F12: variants seen among roughly 807,000 people sequenced by gnomAD.
F12 encodes the protein Hageman factor.
In F12, 70 loss-of-function variants were observed where a neutral mutation model predicts 74.8. The observed-to-expected ratio is 0.94, with a 90% CI of 0.77 to 1.14. The LOEUF (loss-of-function observed/expected upper bound fraction) is 1.14, where lower values mean the gene tolerates loss of function less well. Ranked by LOEUF, F12 falls within the 50% of genes most tolerant of loss-of-function variation. F12 has a pLI of 0.00. For missense variants in F12, 811 were observed against 835.7 expected, an observed-to-expected ratio of 0.97 and a Z score of 0.36; for synonymous variants, 373 against 356.4, an observed-to-expected ratio of 1.05 and a Z score of -0.52.
At chr5:177,407,074 C>T (rs527627221) in intron 2 of F12, among the ~76,000 whole-genome samples, 6 of 152,346 alleles carry the variant, frequency 3.9e-5, no homozygotes, top group Admixed American at 1.3e-4. Flanking sequence ...GTGTGTTAGA[C>T]ACTTGATTCA....
At chr5:177,405,694 A>G in intron 4 of F12, 41 bp downstream of exon 4, 1 of 1,588,154 alleles carries the variant, frequency 6.3e-7, no homozygotes, top group Non-Finnish European at 8.6e-7. Context: ...ATGAGGCGGG[A>G]GGAGAGAGCC....
rs145282532 is a variant in F12 at position 177,405,431 on chromosome 5, G to C, written c.289C>G (p.His97Asp). Residue 97 changes from histidine (H) to aspartate (D), a missense_variant and splice_region_variant, in exon 5 of 14, where the codon CAC (histidine) becomes GAC (aspartate). Physicochemically the swap from His to Asp is moderately conservative, Grantham distance 81. Transcript: ENST00000253496. Reference sequence around the variant, plus strand: ...TGGCAGGGGCTGTGTTTGCTGCAGTGGTCTGAGAGATGGACATGGTGGAAG... The same window carrying C: ...TGGCAGGGGCTGTGTTTGCTGCAGTCGTCTGAGAGATGGACATGGTGGAAG... ...YCLEPKKVKD[H>D]CSKHSPCQKG... 2 of 1,612,744 alleles carry C rather than the reference G, an allele frequency of 1.2e-6. No homozygotes were observed. The highest frequency in any genetic ancestry group is 1.7e-6 in the Non-Finnish European group (2 of 1,179,464).
chr5:177,405,981 G>A lies in F12; in HGVS notation c.196C>T (p.Arg66Trp), dbSNP rs368879882. The stretch of plus-strand genomic sequence containing the variant: ...TCTTACCAGGGCTGAGGGCCTGGCC[G>A]GCCCTTGTGGGTACATTTGTGGTAC... The part of the protein sequence containing the change: ...QLYHKCTHKG[R>W]PGPQPWCATT... Residue 66 changes from arginine (R) to tryptophan (W), a missense_variant, in exon 3 of 14, where the codon CGG (arginine) becomes TGG (tryptophan). Arg to Trp is a moderately radical substitution (Grantham distance 101). Transcript: ENST00000253496. The A allele has an allele frequency of 2.7e-5, 44 of 1,614,082 alleles. No individual in the cohort carries two copies. In the East Asian group the frequency reaches 4.9e-4, roughly 18 times the overall value.
In F12 at chr5:177,402,680, C is replaced by T. The variant is rs200921978; in HGVS notation, c.1550G>A (p.Ser517Asn). The change falls in exon 13 of 14, where the codon AGC (serine) becomes AAC (asparagine). Residue 517 changes from serine (S) to asparagine (N), a missense_variant. Ser to Asn is a conservative substitution (Grantham distance 46). Coordinates refer to ENST00000253496, the MANE Select transcript of F12 (RefSeq NM_000505.4). ...HQFEGAEEYA[S>N]FLQEAQVPFL... ...CGGTACCTGCGCCTCCTGCAGGAAG[C>T]TGGCATATTCCTCCGCCCCTGCGAA... 3.0e-5 allele frequency: 49 copies of T among 1,611,936 alleles called. No homozygotes were observed. Among genetic ancestry groups the T allele is most frequent in the Non-Finnish European group, 4.2e-5 (49 of 1,180,020 alleles).
At position 177,404,426 on chromosome 5, in the gene F12, G is replaced by A; in HGVS notation, c.801-13C>T. On this transcript the variant is annotated splice_polypyrimidine_tract_variant and intron_variant, in intron 8 of 13. Coordinates refer to ENST00000253496, the MANE Select transcript of F12 (RefSeq NM_000505.4). ...GTTGTCCGGGTTCCTGTAGCCACAC[G>A]ACGGGGCGCCGTTAGAGCGCCGGGA... 1 of 1,609,932 alleles carries A rather than the reference G, an allele frequency of 6.2e-7. No homozygotes were observed. The highest frequency in any genetic ancestry group is 8.5e-7 in the Non-Finnish European group (1 of 1,178,720).
In F12 at chr5:177,403,321, T is replaced by G; in HGVS notation, c.1464A>C (p.Pro488=). ...LSPYVQPVCL[P]SGAARPSETT... ...TCTCGGAGGGTCGCGCGGCGCCGCTTGGCAGGCACACCGGCTGAACGTAAG... is the reference window on the plus strand; with the variant it reads ...TCTCGGAGGGTCGCGCGGCGCCGCTGGGCAGGCACACCGGCTGAACGTAAG... The change falls in exon 12 of 14, where the codon CCA becomes CCC. Residue 488 remains proline, a synonymous_variant. Transcript: ENST00000253496. 6.3e-7 allele frequency: 1 copy of G among 1,599,236 alleles called. No homozygotes were observed. The highest frequency in any genetic ancestry group is 8.5e-7 in the Non-Finnish European group (1 of 1,179,704).
intron 2 of F12, among the ~76,000 whole-genome samples, chr5:177,408,276 G>A (rs769019171): frequency 4.0e-5 from 6 of 151,648 alleles, no homozygotes; most frequent in African/African-American, 4.9e-5. Context: ...GGCTGGTCTC[G>A]AACTCCTGAC....
At chr5:177,405,475 T>G (rs755567040) in intron 4 of F12, 42 bp from the exon 5 acceptor site, 4 of 1,580,478 alleles carry the variant, frequency 2.5e-6, no homozygotes, top group Non-Finnish European at 3.5e-6. Context: ...GGGAGCTGAG[T>G]CACACAGCTG....
chr5:177,404,126 C>T (rs745960822), intron 9 of F12, 36 bp from the exon 10 acceptor site: 1 of 1,589,302 alleles, frequency 6.3e-7, no homozygotes, highest in East Asian at 2.3e-5. Context: ...GGAGAGCCCG[C>T]GGCCGGCTGG....
chr5:177,402,185 C>T lies in F12; in HGVS notation c.*107G>A. ...TTATTGAGTTCCTGCGCCATCCTGG[C>T]GCGGAGCTGGCCGCACTGGGGGAAT... On this transcript the variant is annotated 3_prime_UTR_variant, in exon 14 of 14. Coordinates refer to ENST00000253496, the MANE Select transcript of F12 (RefSeq NM_000505.4). 7.1e-7 allele frequency: 1 copy of T among 1,414,810 alleles called. No homozygotes were observed. The highest frequency in any genetic ancestry group is 1.9e-5 in the Admixed American group (1 of 52,194). 87.6% of individuals were successfully genotyped at this position (1,414,810 alleles called of 1,614,324 possible).
At chr5:177,405,630 AGGGGCT>A (rs1581658828) in intron 4 of F12, 99 bp downstream of exon 4, 1 of 1,282,956 alleles carries the variant, frequency 7.8e-7, no homozygotes, top group Non-Finnish European at 1.1e-6. Flanking sequence ...GAGGGAGAGA[AGGGGCT>A]GGGTCCAGAA....
Position 177,407,795 on chromosome 5 carries a change from A to G in F12, c.115+1251T>C, listed in dbSNP as rs1275657916. Among the ~76,000 whole-genome samples the G allele has an allele frequency of 2.6e-5, 4 of 151,898 alleles. No individual in the cohort carries two copies. The East Asian group carries it at 7.7e-4, about 29-fold the overall frequency. The stretch of plus-strand genomic sequence containing the variant: ...GCGAGACTCCATCTCAAAAAAAAAA[A>G]AAGATGCAGATGGGATGGACGGACA... On this transcript the variant is annotated intron_variant, in intron 2 of 13. Transcript: ENST00000253496.
Position 177,402,692 on chromosome 5 carries a change from TC to T in F12, c.1537del (p.Glu513ArgfsTer151). 6.2e-7 allele frequency: 1 copy of T among 1,611,582 alleles called. No individual in the cohort carries two copies. The highest frequency in any genetic ancestry group is 8.5e-7 in the Non-Finnish European group (1 of 1,179,978). On this transcript the variant is annotated frameshift_variant, in exon 13 of 14. Transcript: ENST00000253496. LOFTEE classifies it high-confidence loss of function. The stretch of plus-strand genomic sequence containing the variant: ...CTCCTGCAGGAAGCTGGCATATTCC[TC>T]CGCCCCTGCGAACACAGAGCGCCTT... ...AGWGHQFEGAEEYASFLQEAQ... is the reference protein window; with the variant it reads ...AGWGHQFEGAXEYASFLQEAQ...
Position 177,406,259 on chromosome 5 carries a change from C to T in F12, c.116-198G>A, listed in dbSNP as rs533312981. On this transcript the variant is annotated intron_variant, in intron 2 of 13. Transcript: ENST00000253496. The stretch of plus-strand genomic sequence containing the variant: ...ATCCCAGCACTTTGGGAGGCCAAGG[C>T]GGGCAGATCACGAGGTCAGGAGATC... 7.2e-5 allele frequency among the ~76,000 whole-genome samples: 11 copies of T among 152,226 alleles called. No individual in the cohort carries two copies. In the East Asian group the frequency reaches 7.7e-4, roughly 11 times the overall value.
rs1488278711 is a variant in F12 at position 177,404,074 on chromosome 5, C to T, written c.1035G>A (p.Arg345=). 4 of 1,602,282 alleles carry T rather than the reference C, an allele frequency of 2.5e-6. No individual in the cohort carries two copies. In the African/African-American group the frequency reaches 5.3e-5, roughly 21 times the overall value. The stretch of plus-strand genomic sequence containing the variant: ...TCCTGGTCAGGGAAGGCGGCTGCTC[C>T]CGCTTCGCCGGCAAGGCTGTGGAGG... ...SQTPGALPAK[R]EQPPSLTRNG... The change falls in exon 10 of 14, where the codon CGG becomes CGA. Residue 345 remains arginine (R), a synonymous_variant. Transcript: ENST00000253496.
chr5:177,405,630 A>C (rs1763270810), intron 4 of F12, 105 bp downstream of exon 4: 2 of 1,282,836 alleles, frequency 1.6e-6, no homozygotes, highest in Admixed American at 1.7e-5. Context: ...GAGGGAGAGA[A>C]GGGGCTGGGT....
At position 177,404,807 on chromosome 5, in the gene F12, C is replaced by T. The variant is rs761933070; in HGVS notation, c.634+3G>A. On this transcript the variant is annotated splice_donor_region_variant and intron_variant, in intron 7 of 13. Transcript: ENST00000253496. ...CTTCTGCTTGCCCCAGACCCTCACT[C>T]ACCCACGTCGCAGAAGGCTCCGGTG... is the stretch of plus-strand genomic sequence containing the variant. 6.2e-7 allele frequency: 1 copy of T among 1,603,872 alleles called. No individual in the cohort carries two copies. The highest frequency in any genetic ancestry group is 1.1e-5 in the South Asian group (1 of 89,798).
chr5:177,405,877 T>C (rs922770815), intron 3 of F12, 72 bp from the exon 4 acceptor site: 4 of 1,601,578 alleles, frequency 2.5e-6, no homozygotes, highest in Non-Finnish European at 3.4e-6. Context: ...CAGTCCCCTC[T>C]CTCCAAGCAG....
In F12 at chr5:177,406,060, A is replaced by G; in HGVS notation, c.117T>C (p.Val39=). 1 of 1,613,680 alleles carries G rather than the reference A, an allele frequency of 6.2e-7. No homozygotes were observed. Among genetic ancestry groups the G allele is most frequent in the Middle Eastern group, 1.6e-4 (1 of 6,062 alleles). The stretch of plus-strand genomic sequence containing the variant: ...GGCAGGGCTCCCCGGTGACAGTGAG[A>G]ACTGCAGGGACAACACACTCTCTGA... ...HKYKAEEHTV[V]LTVTGEPCHF... The change falls in exon 3 of 14, where the codon GTT becomes GTC. Residue 39 remains valine (V), a splice_region_variant and synonymous_variant. Coordinates refer to ENST00000253496, the MANE Select transcript of F12 (RefSeq NM_000505.4).
Sources: allele counts gnomAD v4.1 joint callset (sites outside exome capture counted in the v4.1 genomes callset), GRCh38; gene constraint gnomAD v4.1.1; transcripts MANE v1.5; gene names NCBI Gene and HGNC (gene_info 2026-07-23, HGNC 2026-07-21).